UBXN11: variants seen among roughly 807,000 people sequenced by gnomAD.
UBXN11 encodes UBX domain protein 11.
In UBXN11, 47 loss-of-function variants were observed where a neutral mutation model predicts 62.8. The observed-to-expected ratio is 0.75, with a 90% CI of 0.59 to 0.95. UBXN11 has a LOEUF of 0.95. Ranked by LOEUF, UBXN11 falls within the 40% of genes least tolerant of loss-of-function variation. The pLI is 0.00. For synonymous variants in UBXN11, 294 were observed against 267.0 expected (o/e 1.10, Z -0.99); for missense variants, 638 against 661.7 (o/e 0.96, Z 0.39).
At position 26,313,883 on chromosome 1, in the gene UBXN11, C is replaced by A. The variant is rs534595505; in HGVS notation, c.-149+4164G>T. Among the ~76,000 whole-genome samples the A allele has an allele frequency of 4.6e-5, 7 of 151,362 alleles. No individual in the cohort carries two copies. In the East Asian group the frequency reaches 1.4e-3, roughly 29 times the overall value. On this transcript the variant is annotated intron_variant, in intron 1 of 14. Coordinates refer to the UBXN11 transcript ENST00000374217. The stretch of plus-strand genomic sequence containing the variant: ...ACAAGCTCTGCCTTCCAGGTTCATG[C>A]CATTCTCCTACCTCAGCCTCCCGAG...
rs1195414556 is a variant in UBXN11 at position 26,286,004 on chromosome 1, T to C, written c.593A>G (p.Asp198Gly). The C allele has an allele frequency of 6.2e-7, 1 of 1,611,168 alleles. No homozygotes were observed. ...ATCCTGCAGGCTGGCCAGCAGCCTG[T>C]CAAAGTCCACCTCAGGGGGCGCCAA... is the stretch of plus-strand genomic sequence containing the variant. ...DSLAPPEVDF[D>G]RLLASLQDLS... Residue 198 changes from aspartate (D) to glycine (G), a missense_variant, in exon 9 of 15, where the codon GAC becomes GGC. Asp to Gly is a moderately conservative substitution (Grantham distance 94, BLOSUM62 -1). Transcript: ENST00000374222.
rs182310175 is a variant in UBXN11 at position 26,284,485 on chromosome 1, G to T, written c.853-3C>A. The stretch of plus-strand genomic sequence containing the variant: ...ACCTGATTGCGCAAGTCACTCACCT[G>T]GCAAGAAAGAAGGGCAACGACGGCA... On this transcript the variant is annotated splice_polypyrimidine_tract_variant and splice_region_variant and intron_variant, in intron 10 of 14. Coordinates refer to ENST00000374222, the MANE Select transcript of UBXN11 (RefSeq NM_001389556.1). 1 of 1,588,976 alleles carries T rather than the reference G, an allele frequency of 6.3e-7. No individual in the cohort carries two copies. The highest frequency in any genetic ancestry group is 1.7e-5 in the Admixed American group (1 of 57,424).
chr1:26,308,612 A>G (rs1169801698), upstream of UBXN11, among the ~76,000 whole-genome samples: 2 of 152,192 alleles, frequency 1.3e-5, no homozygotes, highest in South Asian at 2.1e-4. Context: ...AAAGACTGAG[A>G]TCATGTCGGG....
rs937257743 is a variant in UBXN11, at chr1:26,301,162, G to C, written c.101-138C>G. 48 of 1,503,394 alleles carry C rather than the reference G, an allele frequency of 3.2e-5. No homozygotes were observed. The African/African-American group carries it at 6.4e-4, about 20-fold the overall frequency. The allele number at this position is 1,503,394 out of a possible 1,614,324, so 93.1% of individuals were successfully genotyped here. A position where few individuals can be genotyped will look rare whatever the true frequency, so the allele number is the denominator to read the frequency against. On this transcript the variant is annotated intron_variant, in intron 3 of 14. Coordinates refer to ENST00000374222, the MANE Select transcript of UBXN11 (RefSeq NM_001389556.1). The stretch of plus-strand genomic sequence containing the variant: ...AGGAGAGAGAATTCACAAGGCTGGG[G>C]AGCAAGGATCCAACCAGAATGGGGC...
At position 26,284,162 on chromosome 1, in the gene UBXN11, G is replaced by A. The variant is rs2073068768; in HGVS notation, c.1057C>T (p.Pro353Ser). 1.9e-6 allele frequency: 3 copies of A among 1,611,548 alleles called. No homozygotes were observed. The highest frequency in any genetic ancestry group is 2.5e-6 in the Non-Finnish European group (3 of 1,178,740). The change falls in exon 12 of 15, where the codon CCC becomes TCC. Residue 353 changes from proline to serine, a missense_variant. Physicochemically the swap from Pro to Ser is moderately conservative, Grantham distance 74 (BLOSUM62 -1). Transcript: ENST00000374222. ...RQGEVIDIRG[P>S]IRDTLQNCCP... ...CTCACCTGCAAGGTGTCCCTGATGG[G>A]GCCCCGGATGTCAATCACCTCGCCT... is the stretch of plus-strand genomic sequence containing the variant.
At position 26,282,655 on chromosome 1, in the gene UBXN11, T is replaced by C; in HGVS notation, c.1286A>G (p.Gln429Arg). The stretch of plus-strand genomic sequence containing the variant: ...GGCCCTGCCCTGCACCCACCTGGCC[T>C]GCGCTAGCAGAGCTCGCACGTCCCC... ...TIGDVRALLA[Q>R]ARVMDASAFE... Residue 429 changes from glutamine (Q) to arginine (R), a missense_variant, in exon 14 of 15, where the codon CAG becomes CGG. Gln to Arg is a conservative substitution (Grantham distance 43, BLOSUM62 1). Coordinates refer to ENST00000374222, the MANE Select transcript of UBXN11 (RefSeq NM_001389556.1). 2.5e-6 allele frequency: 4 copies of C among 1,614,058 alleles called. No individual in the cohort carries two copies. Among genetic ancestry groups the C allele is most frequent in the Non-Finnish European group, 3.4e-6 (4 of 1,180,010 alleles).
chr1:26,301,675 G>A lies in UBXN11; in HGVS notation c.100+19C>T, dbSNP rs368909774. 16 of 1,613,662 alleles carry A rather than the reference G, an allele frequency of 9.9e-6. No homozygotes were observed. Among genetic ancestry groups the A allele is most frequent in the Middle Eastern group, 1.7e-4 (1 of 6,050 alleles). On this transcript the variant is annotated intron_variant, in intron 3 of 14. Transcript: ENST00000374222. ...AGCACATGAGAGGCGAAGAGGGCAC[G>A]AGGGCGGGGCACACTTACCATCTCC... is the stretch of plus-strand genomic sequence containing the variant.
At chr1:26,294,113 G>A (rs909986411) in intron 8 of UBXN11, 92 bp downstream of exon 8, 34 of 1,539,412 alleles carry the variant, frequency 2.2e-5, no homozygotes, top group African/African-American at 2.7e-5. Context: ...ACCCGGGCAC[G>A]AATGAGATAG....
At position 26,284,167 on chromosome 1, in the gene UBXN11, C is replaced by G. The variant is rs772136286; in HGVS notation, c.1052G>C (p.Arg351Pro). 6.2e-7 allele frequency: 1 copy of G among 1,612,158 alleles called. No homozygotes were observed. Among genetic ancestry groups the G allele is most frequent in the Non-Finnish European group, 8.5e-7 (1 of 1,179,020 alleles). ...CTGCAAGGTGTCCCTGATGGGGCCC[C>G]GGATGTCAATCACCTCGCCTTGCCG... Reference protein sequence around the residue: ...VIRQGEVIDIRGPIRDTLQNC... With the variant: ...VIRQGEVIDIPGPIRDTLQNC... The change falls in exon 12 of 15, where the codon CGG becomes CCG. Residue 351 changes from arginine (R) to proline (P), a missense_variant. Physicochemically the swap from Arg to Pro is moderately radical, Grantham distance 103. Transcript: ENST00000374222.
chr1:26,294,285 T>C lies in UBXN11; in HGVS notation c.479A>G (p.Asp160Gly). 6.2e-7 allele frequency: 1 copy of C among 1,614,166 alleles called. No homozygotes were observed. Among genetic ancestry groups the C allele is most frequent in the Non-Finnish European group, 8.5e-7 (1 of 1,180,008 alleles). The change falls in exon 8 of 15, where the codon GAC becomes GGC. Residue 160 changes from aspartate (D) to glycine (G), a missense_variant. Asp to Gly is a moderately conservative substitution (Grantham distance 94). Transcript: ENST00000374222. ...TGTCTTGCTCTCTGAGTCCTCCTGGTCCATGGGCTCGCCCACCCACTGCAG... is the reference window on the plus strand; with the variant it reads ...TGTCTTGCTCTCTGAGTCCTCCTGGCCCATGGGCTCGCCCACCCACTGCAG... ...YGLQWVGEPM[D>G]QEDSESKTVS...
At chr1:26,297,397 G>A in intron 6 of UBXN11, 30 bp downstream of exon 6, 1 of 1,511,496 alleles carries the variant, frequency 6.6e-7, no homozygotes, top group Non-Finnish European at 8.8e-7. Flanking sequence ...CTGACTGGGG[G>A]CGCAGGTCAG....
intron 10 of UBXN11, 60 bp from the exon 11 acceptor site, chr1:26,284,542 T>C (rs2073081085): frequency 1.3e-6 from 2 of 1,526,432 alleles, no homozygotes; most frequent in Admixed American, 4.0e-5. Context: ...TTGGCCCCAC[T>C]TTCATCCCTA....
At chr1:26,286,199 T>C (rs1227288356) in intron 8 of UBXN11, among the ~76,000 whole-genome samples, 162 bp from the exon 9 acceptor site, 2 of 152,252 alleles carry the variant, frequency 1.3e-5, no homozygotes, top group Admixed American at 1.3e-4. Context: ...CAGCTGTCTT[T>C]TATTGAGCAC....
At chr1:26,301,820 A>C in intron 2 of UBXN11, 98 bp from the exon 3 acceptor site, 84 of 1,507,324 alleles carry the variant, frequency 5.6e-5, no homozygotes, top group Non-Finnish European at 6.7e-5. Context: ...GCCAAAGCTC[A>C]AAGAGATGGA....
Position 26,286,049 on chromosome 1 carries a change from GAC to G in UBXN11, c.560-14_560-13del. The G allele has an allele frequency of 1.8e-5, 28 of 1,588,128 alleles. No homozygotes were observed. The highest frequency in any genetic ancestry group is 2.1e-5 in the Non-Finnish European group (24 of 1,162,668). On this transcript the variant is annotated splice_polypyrimidine_tract_variant and intron_variant, in intron 8 of 14. Coordinates refer to ENST00000374222, the MANE Select transcript of UBXN11 (RefSeq NM_001389556.1). ...CGCCAATGAGTCCCCTGGCAAAGAG[GAC>G]AGACACCTGTGAGCCGCCTTTTGGC...
chr1:26,286,872 T>C (rs1313494887), intron 8 of UBXN11, among the ~76,000 whole-genome samples: 1 of 152,144 alleles, frequency 6.6e-6, no homozygotes, highest in East Asian at 1.9e-4. Flanking sequence ...CTAATTTTTG[T>C]ATTTTTAGTA....
chr1:26,306,220 C>T (rs2124676332), intron 1 of UBXN11: 1 of 152,432 alleles, frequency 6.6e-6, no homozygotes, highest in African/African-American at 2.4e-5. Context: ...AGACCTGGCT[C>T]TGAGAGCAAA....
At chr1:26,285,351 G>T in intron 10 of UBXN11, 113 bp downstream of exon 10, 1 of 1,536,948 alleles carries the variant, frequency 6.5e-7, no homozygotes. Flanking sequence ...TCAGACTGGG[G>T]TCCCCCAGGG....
intron 1 of UBXN11, among the ~76,000 whole-genome samples, chr1:26,315,561 T>G (rs1247090499): frequency 6.6e-6 from 1 of 152,212 alleles, no homozygotes; most frequent in African/African-American, 2.4e-5. Context: ...AAGAGGGTGA[T>G]GGATGGCTGG....
Sources: gnomAD v4.1 joint callset for allele counts (sites outside exome capture counted in the v4.1 genomes callset) on GRCh38, gnomAD v4.1.1 for gene constraint, MANE v1.5 for transcripts, NCBI Gene and HGNC (gene_info 2026-07-23, HGNC 2026-07-21) for gene names.